PRDM12: variants seen among roughly 807,000 people sequenced by gnomAD.
PRDM12 encodes the protein PR/SET domain 12.
A neutral mutation model predicts 29.6 loss-of-function variants in PRDM12; 17 were observed. That is an observed-to-expected ratio of 0.57 (90% CI 0.39 to 0.86). The LOEUF (loss-of-function observed/expected upper bound fraction) is 0.86, where lower values mean the gene tolerates loss of function less well. Ranked by LOEUF, PRDM12 falls within the 40% of genes least tolerant of loss-of-function variation. PRDM12 has a pLI of 0.00. For missense variants in PRDM12, 422 were observed against 510.8 expected (o/e 0.83, Z 1.68); for synonymous variants, 231 against 225.8 (o/e 1.02, Z -0.21).
intron 2 of PRDM12, 80 bp downstream of exon 2, chr9:130,666,878 C>G (rs113392539): frequency 6.7e-7 from 1 of 1,491,730 alleles, no homozygotes; most frequent in Non-Finnish European, 9.0e-7. Flanking sequence ...GTCCGGCCGT[C>G]GCCGCTTCCA....
intron 3 of PRDM12, among the ~76,000 whole-genome samples, chr9:130,669,258 C>T (rs1830765045): frequency 6.6e-6 from 1 of 151,922 alleles, no homozygotes; most frequent in African/African-American, 2.4e-5. Context: ...ACCCGGAAGG[C>T]GGAGCTTGCA....
intron 1 of PRDM12, among the ~76,000 whole-genome samples, chr9:130,665,723 C>A (rs1324338402): frequency 6.6e-6 from 1 of 152,218 alleles, no homozygotes; most frequent in Non-Finnish European, 1.5e-5. Context: ...ACTTTAACAG[C>A]GTGACAAATT....
At chr9:130,678,017 G>GT (rs1173349730) in intron 3 of PRDM12, among the ~76,000 whole-genome samples, 1 of 80,166 alleles carries the variant, frequency 1.2e-5, no homozygotes, top group Non-Finnish European at 2.2e-5. Flanking sequence ...CCTGTGCTTG[G>GT]TCGGGAAGTA....
At chr9:130,669,612 G>A (rs1394642029) in intron 3 of PRDM12, among the ~76,000 whole-genome samples, 1 of 151,194 alleles carries the variant, frequency 6.6e-6, no homozygotes, top group Non-Finnish European at 1.5e-5. Flanking sequence ...CCAGGAGATC[G>A]AGACCATCCT....
chr9:130,667,926 A>G (rs1032770384), intron 2 of PRDM12, among the ~76,000 whole-genome samples: 2 of 152,178 alleles, frequency 1.3e-5, no homozygotes, highest in African/African-American at 2.4e-5. Flanking sequence ...AGCGTGTATC[A>G]TGGTCAGCCC....
At chr9:130,678,680 G>T in intron 4 of PRDM12, 40 bp downstream of exon 4, 1 of 1,489,002 alleles carries the variant, frequency 6.7e-7, no homozygotes. Context: ...ACAGACCCAT[G>T]GAGAGGGGAG....
At position 130,666,755 on chromosome 9, in the gene PRDM12, C is replaced by T. The variant is rs764884666; in HGVS notation, c.371C>T (p.Pro124Leu). 2 of 1,612,274 alleles carry T rather than the reference C, an allele frequency of 1.2e-6. No individual in the cohort carries two copies. The highest frequency in any genetic ancestry group is 1.7e-6 in the Non-Finnish European group (2 of 1,179,510). ...MGPFTGRVIA[P>L]EHVDICKNNN... ...CCCTTCACCGGCCGCGTGATCGCCC[C>T]GGAGCACGTGGACATCTGCAAGAAC... The change falls in exon 2 of 5, where the codon CCG (proline) becomes CTG (leucine). Residue 124 changes from proline (P) to leucine (L), a missense_variant. Around this residue, in one of 5 missense-constraint regions of PRDM12, gnomAD observed 300 missense variants for 350.0 expected, o/e 0.86. Coordinates refer to ENST00000253008, the MANE Select transcript of PRDM12 (RefSeq NM_021619.3).
chr9:130,680,667 T>A (rs1473642441), intron 4 of PRDM12, among the ~76,000 whole-genome samples: 2 of 116,140 alleles, frequency 1.7e-5, no homozygotes, highest in African/African-American at 3.6e-5. Flanking sequence ...ATATTTTTTT[T>A]TTTTTTAACT....
chr9:130,680,659 A>ATATTTTTTTTT, intron 4 of PRDM12, among the ~76,000 whole-genome samples: 19 of 72,164 alleles, frequency 2.6e-4, no homozygotes, highest in African/African-American at 1.4e-3. Flanking sequence ...ATATATATAT[A>ATATTTTTTTTT]TTTTTTTTTT....
intron 3 of PRDM12, among the ~76,000 whole-genome samples, chr9:130,671,806 T>A (rs1223580032): frequency 1.3e-5 from 2 of 152,226 alleles, no homozygotes; most frequent in African/African-American, 2.4e-5. Context: ...GAAGGACCTC[T>A]GCTGTGATGT....
intron 3 of PRDM12, among the ~76,000 whole-genome samples, chr9:130,675,799 G>C (rs1232301229): frequency 1.3e-5 from 2 of 152,184 alleles, no homozygotes; most frequent in Non-Finnish European, 1.5e-5. Context: ...AACCCCCTGT[G>C]GGGTGTGTTC....
Position 130,664,596 on chromosome 9 carries a change from C to A in PRDM12, c.-58C>A, listed in dbSNP as rs1445844051. 1 of 1,399,762 alleles carries A rather than the reference C, an allele frequency of 7.1e-7. No individual in the cohort carries two copies. The highest frequency in any genetic ancestry group is 1.5e-5 in the African/African-American group (1 of 68,754). 86.7% of individuals were successfully genotyped at this position (1,399,762 alleles called of 1,614,324 possible). A position where few individuals can be genotyped will look rare whatever the true frequency, so the allele number is the denominator to read the frequency against. Reference sequence around the variant, plus strand: ...TCGCCCCTTGGGCTCCCCTCTCGCCCGCCCACCTCCCCCGTCGGCCCGGCC... The same window carrying A: ...TCGCCCCTTGGGCTCCCCTCTCGCCAGCCCACCTCCCCCGTCGGCCCGGCC... On this transcript the variant is annotated 5_prime_UTR_variant, in exon 1 of 5. Transcript: ENST00000253008. This position sits in a 1 kb window ranked among gnomAD's most constrained non-coding sequence, Gnocchi z 6.4.
At chr9:130,665,875 G>A (rs1035819610) in intron 1 of PRDM12, among the ~76,000 whole-genome samples, 13 of 152,148 alleles carry the variant, frequency 8.5e-5, no homozygotes, top group Non-Finnish European at 1.5e-4. Context: ...CAGCCCTGCC[G>A]CAGATGCCCG....
Position 130,668,424 on chromosome 9 carries a change from A to C in PRDM12, c.570+111A>C, listed in dbSNP as rs1830755830. 8 of 1,528,040 alleles carry C rather than the reference A, an allele frequency of 5.2e-6. No homozygotes were observed. In the African/African-American group the frequency reaches 6.8e-5, roughly 13 times the overall value. 94.7% of individuals were successfully genotyped at this position (1,528,040 alleles called of 1,614,324 possible). The stretch of plus-strand genomic sequence containing the variant: ...CCACAGTGGACAGAGGGGAGCTGAC[A>C]CTGGCCTCGCTGGCTCTGCGCAGGC... On this transcript the variant is annotated intron_variant, in intron 3 of 4. Transcript: ENST00000253008. The surrounding 1 kb of genome is among the most constrained non-coding windows in gnomAD (Gnocchi z 4.0).
intron 3 of PRDM12, among the ~76,000 whole-genome samples, chr9:130,669,039 G>A (rs868174998): frequency 3.0e-4 from 45 of 152,140 alleles, no homozygotes; most frequent in Non-Finnish European, 1.0e-4. Context: ...GCCTGAACAC[G>A]GTGGCTTATG....
Position 130,668,770 on chromosome 9 carries a change from C to T in PRDM12, c.570+457C>T, listed in dbSNP as rs944201130. Among the ~76,000 whole-genome samples the T allele has an allele frequency of 8.5e-5, 13 of 152,094 alleles. No homozygotes were observed. The highest frequency in any genetic ancestry group is 1.2e-4 in the Non-Finnish European group (8 of 68,030). On this transcript the variant is annotated intron_variant, in intron 3 of 4. Transcript: ENST00000253008. The surrounding 1 kb of genome is among the most constrained non-coding windows in gnomAD (Gnocchi z 4.0). ...TGCATGCATGGGCACCAGTGGCTTA[C>T]GGCTCATGACTCCAGACTCAGCGAT...
At chr9:130,680,661 T>TATA (rs1564249414) in intron 4 of PRDM12, among the ~76,000 whole-genome samples, 2 of 77,236 alleles carry the variant, frequency 2.6e-5, no homozygotes, top group African/African-American at 7.1e-5. Context: ...ATATATATAT[T>TATA]TTTTTTTTTT....
At chr9:130,666,937 G>C in intron 2 of PRDM12, 139 bp downstream of exon 2, 1 of 1,207,322 alleles carries the variant, frequency 8.3e-7, no homozygotes, top group Non-Finnish European at 1.1e-6. Flanking sequence ...CCCCTGAGCC[G>C]GGACTCTAAG....
chr9:130,677,891 C>T (rs765595139), intron 3 of PRDM12, among the ~76,000 whole-genome samples: 29 of 152,144 alleles, frequency 1.9e-4, no homozygotes, highest in South Asian at 4.1e-4. Flanking sequence ...ACCTAGGACG[C>T]GGTGAACTGG....
Sources: allele counts gnomAD v4.1 joint callset (sites outside exome capture counted in the v4.1 genomes callset), GRCh38; gene constraint gnomAD v4.1.1; regional missense constraint gnomAD v4.1.1; non-coding constraint Gnocchi (gnomAD v3.1); transcripts MANE v1.5; gene names NCBI Gene and HGNC (gene_info 2026-07-23, HGNC 2026-07-21).